DHX34: variants seen among roughly 807,000 people sequenced by gnomAD.
The protein encoded by DHX34 is probable ATP-dependent RNA helicase DHX34.
Under a neutral mutation model 111.1 loss-of-function variants are expected in DHX34, and 96 were observed. The ratio of observed to expected loss-of-function variants is 0.86; its 90% CI spans 0.73 to 1.02. The LOEUF is 1.02. Ranked by LOEUF, DHX34 falls within the 50% of genes least tolerant of loss-of-function variation. The pLI is 0.00. For missense variants in DHX34, 1,560 were observed against 1,579.9 expected (o/e 0.99, Z 0.21); for synonymous variants, 688 against 670.4 (o/e 1.03, Z -0.41).
Position 47,381,252 on chromosome 19 carries a change from G to T in DHX34, c.3226G>T (p.Ala1076Ser). The T allele has an allele frequency of 6.2e-7, 1 of 1,614,098 alleles. No homozygotes were observed. The highest frequency in any genetic ancestry group is 1.7e-4 in the Middle Eastern group (1 of 6,060). Residue 1076 changes from alanine to serine, a missense_variant, in exon 16 of 17, where the codon GCG (alanine) becomes TCG (serine). By Grantham distance (99) the Ala-to-Ser change is moderately conservative. Coordinates refer to ENST00000328771, the MANE Select transcript of DHX34 (RefSeq NM_014681.6). ...FWTCPHCGLH[A>S]PLTPLERIAH... ...GACCTGCCCCCACTGTGGCCTGCAT[G>T]CGCCCCTCACGCCCCTGGAGCGCAT...
intron 6 of DHX34, among the ~76,000 whole-genome samples, chr19:47,364,720 A>G (rs1000675331): frequency 1.3e-5 from 2 of 152,186 alleles, no homozygotes; most frequent in Middle Eastern, 3.2e-3. Flanking sequence ...CCTGAGTGAT[A>G]GAGCAAGACC....
At chr19:47,381,849 T>C (rs1970370188) in intron 16 of DHX34, 131 bp from the exon 17 acceptor site, 1 of 1,501,860 alleles carries the variant, frequency 6.7e-7, no homozygotes, top group African/African-American at 1.4e-5. Flanking sequence ...GAGGGCTTCC[T>C]GGAGGAGGCA....
chr19:47,372,853 C>T lies in DHX34; in HGVS notation c.1892C>T (p.Ala631Val), dbSNP rs1180795053. ...CAGAGCAGCCCAGAGTGCGCGGCAG[C>T]ACGGCGGCCGCTGGAGAGCGACCAG... Reference protein sequence around the residue: ...SAQSSPECAAARRPLESDQGD... With the variant: ...SAQSSPECAAVRRPLESDQGD... The change falls in exon 8 of 17, where the codon GCA becomes GTA. Residue 631 changes from alanine (A) to valine (V), a missense_variant. Transcript: ENST00000328771. 1.2e-6 allele frequency: 2 copies of T among 1,611,634 alleles called. No individual in the cohort carries two copies. The highest frequency in any genetic ancestry group is 1.7e-4 in the Middle Eastern group (1 of 6,058).
chr19:47,355,896 GT>G (rs1969443742), intron 3 of DHX34, among the ~76,000 whole-genome samples: 1 of 151,806 alleles, frequency 6.6e-6, no homozygotes, highest in African/African-American at 2.4e-5. Flanking sequence ...AATAAGAGAA[GT>G]TTATTTCTCT....
At position 47,353,237 on chromosome 19, in the gene DHX34, A is replaced by G; in HGVS notation, c.207A>G (p.Arg69=). The change falls in exon 2 of 17, where the codon AGA becomes AGG. Residue 69 remains arginine (R), a synonymous_variant. Coordinates refer to ENST00000328771, the MANE Select transcript of DHX34 (RefSeq NM_014681.6). This position sits in a 1 kb window ranked among gnomAD's most constrained non-coding sequence, Gnocchi z 4.6. ...GGACCTTCTTTGAACGCCTGCAGAG[A>G]TTCCAGAATCTCAAGACCTCCAGGA... The part of the protein sequence containing the change: ...KFWTFFERLQ[R]FQNLKTSRKE... The G allele has an allele frequency of 1.2e-6, 2 of 1,614,194 alleles. No homozygotes were observed. The highest frequency in any genetic ancestry group is 1.7e-6 in the Non-Finnish European group (2 of 1,180,036).
At position 47,372,771 on chromosome 19, in the gene DHX34, C is replaced by G. The variant is rs1228537133; in HGVS notation, c.1810C>G (p.Pro604Ala). The G allele has an allele frequency of 2.5e-6, 4 of 1,612,650 alleles. No homozygotes were observed. Among genetic ancestry groups the G allele is most frequent in the East Asian group, 2.2e-5 (1 of 44,876 alleles). Residue 604 changes from proline to alanine, a missense_variant, in exon 8 of 17, where the codon CCT (proline) becomes GCT (alanine). Pro to Ala is a conservative substitution (Grantham distance 27). Transcript: ENST00000328771. ...GGGCTCCATGTTCAGCCTGGTGGAGCCTGTGCTCACCATCGCAGCCGCACT... is the reference window on the plus strand; with the variant it reads ...GGGCTCCATGTTCAGCCTGGTGGAGGCTGTGCTCACCATCGCAGCCGCACT... ...ILGSMFSLVE[P>A]VLTIAAALSV...
rs1969324413 is a variant in DHX34, at chr19:47,352,748, C to CT, written c.-277-4dup. ...AGAATTAATGTCTTCTGTTCTCTCT[C>CT]TTAAGAATCCAGGGCCTGAAAACCC... On this transcript the variant is annotated splice_polypyrimidine_tract_variant and splice_region_variant and intron_variant, in intron 1 of 16. Transcript: ENST00000328771. 1 of 468,524 alleles carries CT rather than the reference C, an allele frequency of 2.1e-6. No homozygotes were observed. Among genetic ancestry groups the CT allele is most frequent in the South Asian group, 3.5e-5 (1 of 28,252 alleles). The allele number at this position is 468,524 out of a possible 1,614,324, so 29.0% of individuals were successfully genotyped here. A position where few individuals can be genotyped will look rare whatever the true frequency, so the allele number is the denominator to read the frequency against.
At chr19:47,381,782 T>C (rs1599781699) in intron 16 of DHX34, 198 bp from the exon 17 acceptor site, 1 of 873,286 alleles carries the variant, frequency 1.1e-6, no homozygotes, top group Non-Finnish European at 1.4e-6. Context: ...TCTCTCTGTC[T>C]CTCTCACTGG....
chr19:47,369,675 G>A (rs1165458708), intron 7 of DHX34, among the ~76,000 whole-genome samples: 1 of 152,194 alleles, frequency 6.6e-6, no homozygotes, highest in African/African-American at 2.4e-5. Flanking sequence ...TTAATTGGCT[G>A]TCCTGGGAGG....
intron 10 of DHX34, 74 bp downstream of exon 10, chr19:47,375,782 G>GA: frequency 4.5e-6 from 7 of 1,561,336 alleles, no homozygotes; most frequent in Non-Finnish European, 6.0e-6. Context: ...GGTCCCAGGG[G>GA]ACATGGCCCT....
Position 47,372,844 on chromosome 19 carries a change from G to T in DHX34, c.1883G>T (p.Cys628Phe). 1 of 1,612,600 alleles carries T rather than the reference G, an allele frequency of 6.2e-7. No individual in the cohort carries two copies. The highest frequency in any genetic ancestry group is 8.5e-7 in the Non-Finnish European group (1 of 1,179,770). ...CGCAGCGCCCAGAGCAGCCCAGAGT[G>T]CGCGGCAGCACGGCGGCCGCTGGAG... ...FTRSAQSSPE[C>F]AAARRPLESD... Residue 628 changes from cysteine (C) to phenylalanine (F), a missense_variant, in exon 8 of 17, where the codon TGC becomes TTC. Coordinates refer to ENST00000328771, the MANE Select transcript of DHX34 (RefSeq NM_014681.6).
chr19:47,372,390 A>G (rs1450309690), intron 7 of DHX34, among the ~76,000 whole-genome samples: 6 of 152,060 alleles, frequency 3.9e-5, no homozygotes, highest in African/African-American at 1.4e-4. Context: ...AAGCCAGGGA[A>G]GCATCAGAGC....
At chr19:47,374,254 T>C (rs1599771332) in intron 9 of DHX34, among the ~76,000 whole-genome samples, 2 of 151,860 alleles carry the variant, frequency 1.3e-5, no homozygotes, top group South Asian at 4.1e-4. Flanking sequence ...CTGGACAACA[T>C]GGTAAAACTC....
chr19:47,354,878 T>C lies in DHX34; in HGVS notation c.706-161T>C, dbSNP rs148151600. ...TATGTTAGTCAGGCGGATCTCGAAC[T>C]CCCTACCTCAGGTGATCCGCCCGCC... is the stretch of plus-strand genomic sequence containing the variant. On this transcript the variant is annotated intron_variant, in intron 2 of 16. Transcript: ENST00000328771. The C allele has an allele frequency of 9.0e-5, 76 of 840,128 alleles. No homozygotes were observed. In the African/African-American group the frequency reaches 1.4e-3, roughly 15 times the overall value. The allele number at this position is 840,128 out of a possible 1,614,324, so 52.0% of individuals were successfully genotyped here.
At chr19:47,349,936 C>T (rs746451938) in intron 1 of DHX34, among the ~76,000 whole-genome samples, 2 of 152,074 alleles carry the variant, frequency 1.3e-5, no homozygotes, top group Admixed American at 6.6e-5. Context: ...GAGTGGAGCC[C>T]GAACCCCTGG....
chr19:47,377,604 G>A (rs1970210262), intron 13 of DHX34, among the ~76,000 whole-genome samples: 5 of 151,934 alleles, frequency 3.3e-5, no homozygotes, highest in Admixed American at 3.3e-4. Flanking sequence ...GAGACCCAAA[G>A]AGGAGAGCGT....
chr19:47,366,940 C>G, intron 6 of DHX34, 41 bp from the exon 7 acceptor site: 5 of 1,507,784 alleles, frequency 3.3e-6, no homozygotes, highest in South Asian at 2.7e-5. Flanking sequence ...CACAGTGGCT[C>G]TTGTGTTCCC....
chr19:47,377,918 C>A (rs1970222372), intron 13 of DHX34, among the ~76,000 whole-genome samples: 1 of 152,132 alleles, frequency 6.6e-6, no homozygotes, highest in Non-Finnish European at 1.5e-5. Flanking sequence ...CACTGCCCTG[C>A]CCCTAGTGCT....
intron 3 of DHX34, among the ~76,000 whole-genome samples, chr19:47,355,730 T>C (rs1042480995): frequency 2.6e-5 from 4 of 151,996 alleles, no homozygotes; most frequent in Non-Finnish European, 5.9e-5. Flanking sequence ...TGGGTGCCTG[T>C]AGTCCCAGCT....
Sources: allele counts gnomAD v4.1 joint callset (sites outside exome capture counted in the v4.1 genomes callset), GRCh38; gene constraint gnomAD v4.1.1; non-coding constraint Gnocchi (gnomAD v3.1); transcripts MANE v1.5; gene names NCBI Gene and HGNC (gene_info 2026-07-23, HGNC 2026-07-21).